ZFYVE19: variants seen among roughly 807,000 people sequenced by gnomAD.
ZFYVE19 encodes abscission/NoCut checkpoint regulator.
In ZFYVE19, 49 loss-of-function variants were observed where a neutral mutation model predicts 62.8. The ratio of observed to expected loss-of-function variants is 0.78; its 90% CI spans 0.62 to 0.99. The LOEUF (loss-of-function observed/expected upper bound fraction) is 0.99. Among genes scored for constraint, ZFYVE19 ranks in the 50% least tolerant of loss-of-function variants. The pLI is 0.00. For synonymous variants in ZFYVE19, 242 were observed against 234.3 expected (o/e 1.03, Z -0.30); for missense variants, 630 against 601.9 (o/e 1.05, Z -0.49).
In ZFYVE19 at chr15:40,810,185, G is replaced by T; in HGVS notation, c.686G>T (p.Gly229Val). The T allele has an allele frequency of 6.2e-7, 1 of 1,614,196 alleles. No individual in the cohort carries two copies. Among genetic ancestry groups the T allele is most frequent in the Non-Finnish European group, 8.5e-7 (1 of 1,180,040 alleles). The change falls in exon 5 of 11, where the codon GGC becomes GTC. Residue 229 changes from glycine to valine, a missense_variant. By Grantham distance (109) the Gly-to-Val change is moderately radical (BLOSUM62 -3). Coordinates refer to ENST00000355341, the MANE Select transcript of ZFYVE19 (RefSeq NM_001077268.2). ...EMEARLAALQ[G>V]RVLPSQTPQP... is the part of the protein sequence containing the mutation. ...GAGGCACGACTTGCAGCGTTGCAGGGCAGAGTTCTACCTTCTCAAACCCCC... is the reference window on the plus strand; with the variant it reads ...GAGGCACGACTTGCAGCGTTGCAGGTCAGAGTTCTACCTTCTCAAACCCCC...
At position 40,807,670 on chromosome 15, in the gene ZFYVE19, A is replaced by G. The variant is rs770004311; in HGVS notation, c.81A>G (p.Leu27=). The change falls in exon 1 of 11, where the codon CTA becomes CTG. Residue 27 remains leucine (L), a synonymous_variant. Transcript: ENST00000355341. ...GCRRASGFPA[L]GRGGTVPVGV... ...GGAGAGCGTCCGGATTCCCTGCTCT[A>G]GGTCGCGGCGGGACAGTGCCAGTGG... is the stretch of plus-strand genomic sequence containing the variant. 2 of 1,604,492 alleles carry G rather than the reference A, an allele frequency of 1.2e-6. No individual in the cohort carries two copies. Among genetic ancestry groups the G allele is most frequent in the South Asian group, 2.2e-5 (2 of 90,708 alleles).
In ZFYVE19 at chr15:40,808,308, G is replaced by T. The variant is rs374167712; in HGVS notation, c.279+440G>T. The T allele has an allele frequency of 2.0e-4, 318 of 1,597,778 alleles. 4 individuals carry two copies. In the South Asian group the frequency reaches 3.3e-3, roughly 17 times the overall value. On this transcript the variant is annotated intron_variant, in intron 1 of 10. Coordinates refer to ENST00000355341, the MANE Select transcript of ZFYVE19 (RefSeq NM_001077268.2). ...GATTACCACACTTCCTCCTGCTTCC[G>T]GGGCACCATGGTGAAGGCTGACTGT...
At position 40,807,617 on chromosome 15, in the gene ZFYVE19, T is replaced by G; in HGVS notation, c.28T>G (p.Leu10Val). Residue 10 changes from leucine (L) to valine (V), a missense_variant, in exon 1 of 11, where the codon TTG becomes GTG. By Grantham distance (32) the Leu-to-Val change is conservative. Coordinates refer to ENST00000355341, the MANE Select transcript of ZFYVE19 (RefSeq NM_001077268.2). MNYDSQQPPLPPLPYAGCRR... is the reference protein window; with the variant it reads MNYDSQQPPVPPLPYAGCRR... Reference sequence around the variant, plus strand: ...GAACTACGACTCCCAGCAGCCCCCGTTGCCGCCGCTGCCGTACGCTGGCTG... The same window carrying G: ...GAACTACGACTCCCAGCAGCCCCCGGTGCCGCCGCTGCCGTACGCTGGCTG... 1.2e-6 allele frequency: 2 copies of G among 1,612,902 alleles called. No individual in the cohort carries two copies. Among genetic ancestry groups the G allele is most frequent in the Non-Finnish European group, 1.7e-6 (2 of 1,179,616 alleles).
chr15:40,814,297 C>A lies in ZFYVE19; in HGVS notation c.*71C>A, dbSNP rs538093857. ...CCCATTTCTGGGCCCAGCCACAGGA[C>A]GTCCGATGGGAGAGCTTGTCTGGCT... is the stretch of plus-strand genomic sequence containing the variant. On this transcript the variant is annotated 3_prime_UTR_variant, in exon 11 of 11. Transcript: ENST00000355341. 1.3e-6 allele frequency: 2 copies of A among 1,557,156 alleles called. No individual in the cohort carries two copies. The highest frequency in any genetic ancestry group is 1.1e-5 in the South Asian group (1 of 88,372).
chr15:40,812,493 C>G (rs1292648205), intron 6 of ZFYVE19, among the ~76,000 whole-genome samples: 2 of 147,606 alleles, frequency 1.4e-5, no homozygotes, highest in Non-Finnish European at 3.0e-5. Context: ...TTGCAGTGAG[C>G]TGAGATTGCA....
chr15:40,811,297 T>C (rs559084829), intron 6 of ZFYVE19, among the ~76,000 whole-genome samples: 14 of 152,358 alleles, frequency 9.2e-5, no homozygotes, highest in African/African-American at 3.1e-4. Flanking sequence ...TCCATCATCA[T>C]AGAACATTCT....
chr15:40,810,825 G>C (rs1890464896), intron 6 of ZFYVE19, 68 bp downstream of exon 6: 1 of 1,532,242 alleles, frequency 6.5e-7, no homozygotes, highest in Non-Finnish European at 8.8e-7. Context: ...AGGCTCTGCT[G>C]TCCACCCTCT....
At chr15:40,813,534 C>T in intron 8 of ZFYVE19, 117 bp downstream of exon 8, 2 of 1,263,282 alleles carry the variant, frequency 1.6e-6, no homozygotes, top group African/African-American at 1.5e-5. Flanking sequence ...TGGGCCCCCT[C>T]CTGTGACCCA....
Position 40,814,390 on chromosome 15 carries a change from G to A in ZFYVE19, c.*164G>A, listed in dbSNP as rs1014022407. On this transcript the variant is annotated 3_prime_UTR_variant, in exon 11 of 11. Transcript: ENST00000355341. ...TGGAATGAGGAAAGATTCTCCATTCGAGAGAATGACTGGGAGGGAAGAAGT... is the reference window on the plus strand; with the variant it reads ...TGGAATGAGGAAAGATTCTCCATTCAAGAGAATGACTGGGAGGGAAGAAGT... The A allele has an allele frequency of 1.2e-5, 10 of 803,386 alleles. No homozygotes were observed. The highest frequency in any genetic ancestry group is 3.6e-5 in the South Asian group (2 of 56,284). 49.8% of individuals were successfully genotyped at this position (803,386 alleles called of 1,614,324 possible). A position where few individuals can be genotyped will look rare whatever the true frequency, so the allele number is the denominator to read the frequency against.
In ZFYVE19 at chr15:40,813,734, G is replaced by A; in HGVS notation, c.1132G>A (p.Asp378Asn). ...GCAGCTCACTGAAGAAGCTTCCCTGGATGAGGCAAGTGGCTTTAACATCCC... is the reference window on the plus strand; with the variant it reads ...GCAGCTCACTGAAGAAGCTTCCCTGAATGAGGCAAGTGGCTTTAACATCCC... ...LQQLTEEASL[D>N]EASGFNIPAE... Residue 378 changes from aspartate (D) to asparagine (N), a missense_variant, in exon 9 of 11, where the codon GAT becomes AAT. Asp to Asn is a conservative substitution (Grantham distance 23, BLOSUM62 1). Coordinates refer to ENST00000355341, the MANE Select transcript of ZFYVE19 (RefSeq NM_001077268.2). 2 of 1,614,018 alleles carry A rather than the reference G, an allele frequency of 1.2e-6. No homozygotes were observed. Among genetic ancestry groups the A allele is most frequent in the Non-Finnish European group, 1.7e-6 (2 of 1,179,970 alleles).
At chr15:40,810,604 T>C in intron 5 of ZFYVE19, 45 bp from the exon 6 acceptor site, 3 of 1,550,362 alleles carry the variant, frequency 1.9e-6, no homozygotes, top group Non-Finnish European at 2.6e-6. Flanking sequence ...CTAGACTGCT[T>C]CTGGGCTACC....
chr15:40,809,955 C>G lies in ZFYVE19; in HGVS notation c.556C>G (p.Gln186Glu), dbSNP rs1216735818. The change falls in exon 4 of 11, where the codon CAG (glutamine) becomes GAG (glutamate). Residue 186 changes from glutamine to glutamate, a missense_variant. Transcript: ENST00000355341. Reference sequence around the variant, plus strand: ...TGCTGAGCGCCTAGCACGACTCCGCCAGGAGAACAAGCCCAGTGAGCAGGG... The same window carrying G: ...TGCTGAGCGCCTAGCACGACTCCGCGAGGAGAACAAGCCCAGTGAGCAGGG... ...MIAERLARLR[Q>E]ENKPKLVPSQ... 1.2e-6 allele frequency: 2 copies of G among 1,614,222 alleles called. No individual in the cohort carries two copies. Among genetic ancestry groups the G allele is most frequent in the East Asian group, 2.2e-5 (1 of 44,888 alleles).
chr15:40,809,512 A>T, intron 3 of ZFYVE19, 54 bp downstream of exon 3: 1 of 1,592,592 alleles, frequency 6.3e-7, no homozygotes, highest in Non-Finnish European at 8.6e-7. Flanking sequence ...TAAGGGAGCC[A>T]TAGGGAAAGA....
chr15:40,809,893 C>G lies in ZFYVE19; in HGVS notation c.494C>G (p.Ser165Cys). 2 of 1,614,232 alleles carry G rather than the reference C, an allele frequency of 1.2e-6. No homozygotes were observed. The highest frequency in any genetic ancestry group is 1.7e-6 in the Non-Finnish European group (2 of 1,180,044). ...GAAGCCAAGCAAAAGCCCAGCACTT[C>G]CCAGAGCCAGGGACTGACACGACAA... is the stretch of plus-strand genomic sequence containing the variant. ...ALEAKQKPST[S>C]QSQGLTRQDQ... The change falls in exon 4 of 11, where the codon TCC becomes TGC. Residue 165 changes from serine to cysteine, a missense_variant. Physicochemically the swap from Ser to Cys is moderately radical, Grantham distance 112 (BLOSUM62 -1). Coordinates refer to ENST00000355341, the MANE Select transcript of ZFYVE19 (RefSeq NM_001077268.2).
intron 6 of ZFYVE19, among the ~76,000 whole-genome samples, chr15:40,812,487 A>G (rs1048840164): frequency 4.4e-4 from 67 of 150,610 alleles, no homozygotes; most frequent in Admixed American, 3.4e-3. Context: ...CAGAGGTTGC[A>G]GTGAGCTGAG....
chr15:40,810,810 T>C, intron 6 of ZFYVE19, 53 bp downstream of exon 6: 2 of 1,546,332 alleles, frequency 1.3e-6, no homozygotes, highest in Non-Finnish European at 1.7e-6. Context: ...TTCCCCAGAC[T>C]GGAGAGGCTC....
intron 1 of ZFYVE19, chr15:40,808,146 A>C: frequency 1.5e-5 from 17 of 1,142,508 alleles, no homozygotes; most frequent in Non-Finnish European, 1.8e-5. Flanking sequence ...CTGTCGGCCC[A>C]GTGTAGCATC....
intron 2 of ZFYVE19, 66 bp from the exon 3 acceptor site, chr15:40,809,342 G>A (rs1596113650): frequency 6.2e-7 from 1 of 1,613,858 alleles, no homozygotes; most frequent in Non-Finnish European, 8.5e-7. Flanking sequence ...CCGAGGAAGT[G>A]TTTGGAGTGG....
At position 40,813,436 on chromosome 15, in the gene ZFYVE19, C is replaced by A. The variant is rs781228520; in HGVS notation, c.1110+19C>A. 2.5e-6 allele frequency: 4 copies of A among 1,584,444 alleles called. No homozygotes were observed. Among genetic ancestry groups the A allele is most frequent in the Non-Finnish European group, 2.6e-6 (3 of 1,165,046 alleles). ...GCAGCAGGTGGGCCTGGATTACCCA[C>A]CTGCCACCCCTTGTCCCGTCTCCGC... is the stretch of plus-strand genomic sequence containing the variant. On this transcript the variant is annotated intron_variant, in intron 8 of 10. Transcript: ENST00000355341.
Sources: allele counts gnomAD v4.1 joint callset (sites outside exome capture counted in the v4.1 genomes callset), GRCh38; gene constraint gnomAD v4.1.1; transcripts MANE v1.5; gene names NCBI Gene and HGNC (gene_info 2026-07-23, HGNC 2026-07-21).